COL4A2: variants seen among roughly 807,000 people sequenced by gnomAD.
COL4A2 encodes the protein collagen type IV alpha 2 chain, also known as collagen alpha-2(IV) chain.
Under a neutral mutation model 200.2 loss-of-function variants are expected in COL4A2, and 99 were observed. The ratio of observed to expected loss-of-function variants is 0.49; its 90% CI spans 0.42 to 0.58. The LOEUF is 0.58. Ranked by LOEUF, COL4A2 falls within the 20% of genes least tolerant of loss-of-function variation. COL4A2 has a pLI of 0.00. For synonymous variants in COL4A2, 897 were observed against 900.6 expected (o/e 1.00, Z 0.07); for missense variants, 1,950 against 2,314.1 (o/e 0.84, Z 3.23).
At chr13:110,340,131 A>AT (rs529891443) in intron 3 of COL4A2, among the ~76,000 whole-genome samples, 82 of 150,672 alleles carry the variant, frequency 5.4e-4, no homozygotes, top group African/African-American at 1.6e-3. Flanking sequence ...TAAGAGGACA[A>AT]TTTTTTTTTT....
At chr13:110,462,555 G>T in intron 24 of COL4A2, 171 bp downstream of exon 24, 5 of 604,526 alleles carry the variant, frequency 8.3e-6, no homozygotes, top group African/African-American at 1.9e-5. Context: ...GACTTTTTAG[G>T]AAACGGTGAA....
intron 4 of COL4A2, among the ~76,000 whole-genome samples, chr13:110,365,262 C>T (rs1594171695): frequency 6.6e-6 from 1 of 152,170 alleles, no homozygotes; most frequent in East Asian, 1.9e-4. Flanking sequence ...CTGCCTCAGC[C>T]TCCCGAGTAG....
At chr13:110,416,750 G>A (rs1431624864) in intron 4 of COL4A2, among the ~76,000 whole-genome samples, 1 of 152,174 alleles carries the variant, frequency 6.6e-6, no homozygotes, top group Admixed American at 6.5e-5. Flanking sequence ...GGTACCTTCT[G>A]GGATTTGAAA....
At position 110,503,912 on chromosome 13, in the gene COL4A2, G is replaced by A; in HGVS notation, c.4204G>A (p.Gly1402Arg). 6.2e-7 allele frequency: 1 copy of A among 1,612,320 alleles called. No homozygotes were observed. The change falls in exon 44 of 48, where the codon GGG (glycine) becomes AGG (arginine). Residue 1402 changes from glycine to arginine, a missense_variant. Physicochemically the swap from Gly to Arg is moderately radical, Grantham distance 125 (BLOSUM62 -2). This residue lies in a region of COL4A2 where 1,385 missense variants were observed against 1,720.5 expected (regional missense o/e 0.80). Transcript: ENST00000360467. The part of the protein sequence containing the change: ...GIPQKIAVQP[G>R]TVGPQGRRGP... Reference sequence around the variant, plus strand: ...CCCCCAGAAGATTGCCGTCCAACCAGGGACAGTGGGTCCCCAGGGGAGGCG... The same window carrying A: ...CCCCCAGAAGATTGCCGTCCAACCAAGGACAGTGGGTCCCCAGGGGAGGCG...
Position 110,450,423 on chromosome 13 carries a change from C to T in COL4A2, c.1308C>T (p.Pro436=), listed in dbSNP as rs78615289. The T allele has an allele frequency of 1.7e-3, 2,673 of 1,613,898 alleles. 35 individuals are homozygous for T. In the African/African-American group the frequency reaches 0.031, roughly 19 times the overall value. Residue 436 remains proline, a synonymous_variant, in exon 20 of 48, where the codon CCC becomes CCT. Coordinates refer to ENST00000360467, the MANE Select transcript of COL4A2 (RefSeq NM_001846.4). ...GPDGKRGPPG[P]PGLPGPPGPD... The stretch of plus-strand genomic sequence containing the variant: ...ATGGAAAGCGAGGGCCTCCAGGACC[C>T]CCCGGGCTCCCTGGACCACCTGGAC...
chr13:110,492,182 G>C lies in COL4A2; in HGVS notation c.3562+5G>C. The stretch of plus-strand genomic sequence containing the variant: ...CGGGAGCTCCGGGCTTACCAGGTAA[G>C]GTCACGTAAAACACGTGGTCACCCA... On this transcript the variant is annotated splice_donor_5th_base_variant and intron_variant, in intron 38 of 47. Transcript: ENST00000360467. 1 of 1,551,618 alleles carries C rather than the reference G, an allele frequency of 6.4e-7. No homozygotes were observed. The highest frequency in any genetic ancestry group is 2.4e-5 in the East Asian group (1 of 40,934).
chr13:110,361,220 C>A (rs1050961208), intron 4 of COL4A2, among the ~76,000 whole-genome samples: 1 of 152,224 alleles, frequency 6.6e-6, no homozygotes, highest in Non-Finnish European at 1.5e-5. Flanking sequence ...TGTGGCTTAA[C>A]TATTTATTAA....
At chr13:110,496,779 G>C (rs1883472047) in intron 40 of COL4A2, among the ~76,000 whole-genome samples, 1 of 151,192 alleles carries the variant, frequency 6.6e-6, no homozygotes, top group African/African-American at 2.4e-5. Context: ...AGGATCTAGG[G>C]TCAGTCCATC....
chr13:110,366,437 G>A (rs998133735), intron 4 of COL4A2, among the ~76,000 whole-genome samples: 9 of 152,126 alleles, frequency 5.9e-5, no homozygotes, highest in East Asian at 1.9e-4. Context: ...GCCTGTGAGC[G>A]GTCTTCTACT....
intron 4 of COL4A2, among the ~76,000 whole-genome samples, chr13:110,424,147 C>T (rs3929760): frequency 0.56 from 85,735 of 151,860 alleles, 25,600 homozygotes; most frequent in East Asian, 0.76. Flanking sequence ...CACATGCCCA[C>T]CAGCAGCGCA....
chr13:110,460,906 T>C (rs1054060529), intron 22 of COL4A2, among the ~76,000 whole-genome samples: 1 of 152,206 alleles, frequency 6.6e-6, no homozygotes. Flanking sequence ...TGCAAAGCAC[T>C]AAATAAATCA....
chr13:110,447,431 A>G (rs898642878), intron 18 of COL4A2, among the ~76,000 whole-genome samples: 1 of 152,178 alleles, frequency 6.6e-6, no homozygotes, highest in African/African-American at 2.4e-5. Flanking sequence ...GACTTTGCGC[A>G]TGTCGTCACT....
intron 4 of COL4A2, among the ~76,000 whole-genome samples, chr13:110,420,273 A>T (rs1489029159): frequency 1.3e-5 from 2 of 152,196 alleles, no homozygotes; most frequent in African/African-American, 4.8e-5. Flanking sequence ...CACTACATGC[A>T]GTTGCCGTGG....
chr13:110,309,285 G>C (rs546571257), intron 3 of COL4A2, among the ~76,000 whole-genome samples: 4 of 152,212 alleles, frequency 2.6e-5, no homozygotes, highest in Admixed American at 2.0e-4. Context: ...AGGAGGACTC[G>C]GAGACTTTGA....
intron 40 of COL4A2, among the ~76,000 whole-genome samples, chr13:110,498,447 T>C (rs1456499101): frequency 6.6e-6 from 1 of 152,016 alleles, no homozygotes; most frequent in African/African-American, 2.4e-5. Context: ...TGAGATGGGA[T>C]TTCGACAGGG....
At chr13:110,428,933 C>T (rs1472511748) in intron 7 of COL4A2, 2 of 201,084 alleles carry the variant, frequency 9.9e-6, no homozygotes, top group Non-Finnish European at 2.0e-5. Context: ...TTATGAAATA[C>T]TTTGTGACGT....
At chr13:110,457,456 C>A (rs771941877) in intron 21 of COL4A2, 21 bp downstream of exon 21, 7 of 1,407,464 alleles carry the variant, frequency 5.0e-6, no homozygotes, top group Non-Finnish European at 7.1e-6. Flanking sequence ...CTGGGAGGGA[C>A]GGGATGAGGA....
At chr13:110,340,952 G>A (rs1876422183) in intron 3 of COL4A2, 2 of 152,262 alleles carry the variant, frequency 1.3e-5, no homozygotes, top group African/African-American at 2.4e-5. Context: ...GTCTATTAAG[G>A]GAAAAGATTT....
intron 4 of COL4A2, among the ~76,000 whole-genome samples, chr13:110,392,474 G>A (rs1172323971): frequency 2.0e-5 from 3 of 152,246 alleles, no homozygotes; most frequent in East Asian, 1.9e-4. Flanking sequence ...GAGGAGAGAC[G>A]GTCACAGCAG....
Sources: gnomAD v4.1 joint callset for allele counts (sites outside exome capture counted in the v4.1 genomes callset) on GRCh38, gnomAD v4.1.1 for gene constraint, gnomAD v4.1.1 regional missense constraint, MANE v1.5 for transcripts, NCBI Gene and HGNC (gene_info 2026-07-23, HGNC 2026-07-21) for gene names.